Variants in SPEF2 observed in about 807,000 individuals in gnomAD.
The protein encoded by SPEF2 is sperm flagellar and cilia associated 2.
SPEF2 carries 187 observed loss-of-function variants against 224.6 expected under a neutral mutation model. The ratio of observed to expected loss-of-function variants is 0.83; its 90% CI spans 0.74 to 0.94. The LOEUF (loss-of-function observed/expected upper bound fraction) is 0.94, where lower values mean the gene tolerates loss of function less well. SPEF2 is among the 40% of genes least tolerant of loss of function. The probability of loss-of-function intolerance (pLI) is 0.00; values close to 1 mark genes in which losing one functional copy is unlikely to be tolerated. For missense variants in SPEF2, 2,170 were observed against 2,135.6 expected, an observed-to-expected ratio of 1.02 and a Z score of -0.32; for synonymous variants, 715 against 707.3, an observed-to-expected ratio of 1.01 and a Z score of -0.17.
chr5:35,646,463 TGTG>T (rs1290342112), intron 4 of SPEF2: 10 of 428,332 alleles, frequency 2.3e-5, no homozygotes, highest in African/African-American at 4.1e-5. Flanking sequence ...ATTCCAGAAT[TGTG>T]TTTTAATATC....
intron 19 of SPEF2, chr5:35,710,589 A>G (rs1740908277): frequency 1.0e-6 from 1 of 984,902 alleles, no homozygotes; most frequent in African/African-American, 1.7e-5. Flanking sequence ...ACTGAGGAAG[A>G]CAGTTTTCAC....
At position 35,617,992 on chromosome 5, in the gene SPEF2, T is replaced by G. The variant is rs1456248299; in HGVS notation, c.-6T>G. 6.3e-7 allele frequency: 1 copy of G among 1,577,398 alleles called. No individual in the cohort carries two copies. Among genetic ancestry groups the G allele is most frequent in the Admixed American group, 1.8e-5 (1 of 56,490 alleles). On this transcript the variant is annotated 5_prime_UTR_variant, in exon 1 of 37. Coordinates refer to ENST00000356031, the MANE Select transcript of SPEF2 (RefSeq NM_024867.4). ...CCCGCCTGCGGTCTGAGGCACCGGC[T>G]GAACCATGTCGGAGATCCTGTGCCA...
chr5:35,724,915 G>T (rs989964352), intron 20 of SPEF2, among the ~76,000 whole-genome samples: 9 of 152,172 alleles, frequency 5.9e-5, no homozygotes, highest in Admixed American at 5.2e-4. Context: ...TTATAAAGGT[G>T]CTAAAATTAG....
At chr5:35,670,870 A>G (rs1224133954) in intron 10 of SPEF2, 5 of 984,830 alleles carry the variant, frequency 5.1e-6, no homozygotes, top group Non-Finnish European at 6.0e-6. Context: ...AGGGAATGCT[A>G]CTATACCTAC....
At chr5:35,664,799 AG>A (rs1440062664) in intron 8 of SPEF2, among the ~76,000 whole-genome samples, 3 of 138,278 alleles carry the variant, frequency 2.2e-5, no homozygotes, top group Admixed American at 7.5e-5. Flanking sequence ...AGGGAGAGAG[AG>A]GGAGAGGAAG....
At chr5:35,777,706 A>T (rs890426851) in intron 29 of SPEF2, among the ~76,000 whole-genome samples, 1 of 131,682 alleles carries the variant, frequency 7.6e-6, no homozygotes, top group Non-Finnish European at 1.7e-5. Flanking sequence ...TAAATAAATA[A>T]ATAAATAGCT....
At chr5:35,713,770 GTATATATATTATATATAGTGT>G in intron 20 of SPEF2, among the ~76,000 whole-genome samples, 1 of 100,824 alleles carries the variant, frequency 9.9e-6, no homozygotes, top group African/African-American at 4.0e-5. Context: ...TTTATATATA[GTATATATATTATATATAGTGT>G]TATATATTTT....
chr5:35,690,978 C>T (rs1048727056), intron 10 of SPEF2, 59 bp from the exon 11 acceptor site: 1 of 1,389,630 alleles, frequency 7.2e-7, no homozygotes, highest in East Asian at 2.4e-5. Context: ...TTAAATATTT[C>T]ATATACCTAA....
At chr5:35,619,736 C>G (rs1487830020) in intron 1 of SPEF2, among the ~76,000 whole-genome samples, 1 of 151,986 alleles carries the variant, frequency 6.6e-6, no homozygotes, top group Non-Finnish European at 1.5e-5. Flanking sequence ...GCTGAAGTCC[C>G]CAGGACTCTA....
chr5:35,746,356 G>T (rs932275958), intron 23 of SPEF2, among the ~76,000 whole-genome samples: 2 of 152,194 alleles, frequency 1.3e-5, no homozygotes, highest in African/African-American at 2.4e-5. Context: ...CAGGAGGTTA[G>T]TTATTAAGCT....
At chr5:35,664,989 A>G (rs1750274116) in intron 8 of SPEF2, among the ~76,000 whole-genome samples, 1 of 152,206 alleles carries the variant, frequency 6.6e-6, no homozygotes, top group Non-Finnish European at 1.5e-5. Context: ...CCTGATTTCA[A>G]ATTTCTGTGC....
intron 30 of SPEF2, chr5:35,788,756 G>A: frequency 4.3e-6 from 3 of 703,040 alleles, no homozygotes; most frequent in Non-Finnish European, 7.8e-6. Context: ...TGTACAAACT[G>A]TATATTGCTT....
intron 8 of SPEF2, among the ~76,000 whole-genome samples, chr5:35,662,256 C>G (rs1286784581): frequency 6.6e-6 from 1 of 152,076 alleles, no homozygotes; most frequent in East Asian, 1.9e-4. Flanking sequence ...GTCATTTGCC[C>G]ACTTTTTAAT....
chr5:35,789,230 A>G (rs1473497119), intron 30 of SPEF2: 2 of 703,026 alleles, frequency 2.8e-6, no homozygotes, highest in South Asian at 1.5e-5. Flanking sequence ...CCAAGCTGAC[A>G]TTGTTAAATT....
intron 34 of SPEF2, among the ~76,000 whole-genome samples, chr5:35,801,379 G>A (rs1405722150): frequency 2.0e-5 from 3 of 152,102 alleles, no homozygotes; most frequent in African/African-American, 7.2e-5. Context: ...TGGATGTGGT[G>A]GTGTGTGCCT....
Position 35,792,377 on chromosome 5 carries a change from C to T in SPEF2, c.4485C>T (p.Ile1495=), listed in dbSNP as rs750269898. ...IGNKAFTDIL[I]DLVTLNLGTN... ...ATAAAGCATTTACTGACATTCTGATCGATTTGGTGACCCTGAACCTTGGCA... is the reference window on the plus strand; with the variant it reads ...ATAAAGCATTTACTGACATTCTGATTGATTTGGTGACCCTGAACCTTGGCA... The change falls in exon 31 of 37, where the codon ATC becomes ATT. Residue 1495 remains isoleucine (I), a synonymous_variant. Coordinates refer to ENST00000356031, the MANE Select transcript of SPEF2 (RefSeq NM_024867.4). The T allele has an allele frequency of 2.5e-5, 40 of 1,613,672 alleles. 1 individual carries two copies. In the South Asian group the frequency reaches 3.4e-4, roughly 14 times the overall value.
At chr5:35,778,190 T>G (rs1753858124) in intron 29 of SPEF2, among the ~76,000 whole-genome samples, 1 of 152,218 alleles carries the variant, frequency 6.6e-6, no homozygotes, top group African/African-American at 2.4e-5. Context: ...TCTGTGTTGC[T>G]CACTTTCATT....
intron 3 of SPEF2, among the ~76,000 whole-genome samples, chr5:35,641,961 T>G (rs917694136): frequency 6.6e-6 from 1 of 152,120 alleles, no homozygotes; most frequent in Non-Finnish European, 1.5e-5. Flanking sequence ...GACAGGGCCT[T>G]GCTCTTTTGC....
At chr5:35,726,979 A>G (rs1744756937) in intron 20 of SPEF2, among the ~76,000 whole-genome samples, 1 of 79,082 alleles carries the variant, frequency 1.3e-5, no homozygotes, top group African/African-American at 4.2e-5. Flanking sequence ...TTTCTTCCCA[A>G]GCACCCCCCC....
Sources: gnomAD v4.1 joint callset for allele counts (sites outside exome capture counted in the v4.1 genomes callset) on GRCh38, gnomAD v4.1.1 for gene constraint, MANE v1.5 for transcripts, NCBI Gene and HGNC (gene_info 2026-07-23, HGNC 2026-07-21) for gene names.